DENND2A: variants seen among roughly 807,000 people sequenced by gnomAD.
DENND2A encodes the protein DENN domain containing 2A, also known as DENN domain-containing protein 2A.
In DENND2A, 53 loss-of-function variants were observed where a neutral mutation model predicts 105.3. That is an observed-to-expected ratio of 0.50 (90% CI 0.40 to 0.63). The LOEUF is 0.63. DENND2A is among the 30% of genes least tolerant of loss of function. The pLI is 0.00. For missense variants in DENND2A, 1,138 were observed against 1,279.6 expected (o/e 0.89, Z 1.69); for synonymous variants, 522 against 508.4 (o/e 1.03, Z -0.36).
chr7:140,580,160 A>G (rs1798479600), intron 5 of DENND2A, among the ~76,000 whole-genome samples: 1 of 152,180 alleles, frequency 6.6e-6, no homozygotes, highest in Admixed American at 6.5e-5. Flanking sequence ...AGGCATAAAG[A>G]AAAGTAAAAT....
At chr7:140,562,695 A>AAC (rs1554468998) in intron 9 of DENND2A, among the ~76,000 whole-genome samples, 1 of 151,858 alleles carries the variant, frequency 6.6e-6, no homozygotes, top group Non-Finnish European at 1.5e-5. Context: ...CAACAAAAAA[A>AAC]CCCGCTTCCA....
intron 9 of DENND2A, among the ~76,000 whole-genome samples, chr7:140,563,679 A>T (rs1797723630): frequency 2.5e-5 from 1 of 40,750 alleles, no homozygotes; most frequent in Non-Finnish European, 7.8e-5. Context: ...ATTGCATTAA[A>T]AAAAAAAAAA....
At chr7:140,567,633 G>A (rs1797920212) in intron 8 of DENND2A, among the ~76,000 whole-genome samples, 2 of 152,136 alleles carry the variant, frequency 1.3e-5, no homozygotes, top group South Asian at 4.1e-4. Context: ...GCCTTCATCT[G>A]TCTGATGAGA....
At chr7:140,604,663 G>A (rs1474582573) in intron 2 of DENND2A, among the ~76,000 whole-genome samples, 2 of 152,154 alleles carry the variant, frequency 1.3e-5, no homozygotes, top group Non-Finnish European at 2.9e-5. Context: ...GATGACTGAT[G>A]GTCTACAACG....
chr7:140,524,324 T>C (rs1261624827), intron 16 of DENND2A, among the ~76,000 whole-genome samples: 1 of 152,202 alleles, frequency 6.6e-6, no homozygotes, highest in Non-Finnish European at 1.5e-5. Context: ...TAGGCCTCTC[T>C]AGCAAATGAT....
rs144371506 is a variant in DENND2A, at chr7:140,555,778, A to G, written c.1960-65T>C. On this transcript the variant is annotated intron_variant, in intron 11 of 19. Transcript: ENST00000496613. ...AACCTCAGGGAAGAAAGGAACCCACATGTTTTTTGCGAGACTATCATGTGC... is the reference window on the plus strand; with the variant it reads ...AACCTCAGGGAAGAAAGGAACCCACGTGTTTTTTGCGAGACTATCATGTGC... 2.1e-4 allele frequency: 307 copies of G among 1,438,130 alleles called. No homozygotes were observed. The African/African-American group carries it at 3.3e-3, about 16-fold the overall frequency. 89.1% of individuals were successfully genotyped at this position (1,438,130 alleles called of 1,614,324 possible).
At chr7:140,545,991 C>T (rs1391711345) in intron 13 of DENND2A, among the ~76,000 whole-genome samples, 1 of 152,186 alleles carries the variant, frequency 6.6e-6, no homozygotes, top group Non-Finnish European at 1.5e-5. Context: ...TCTCCTCCCT[C>T]CTTTGTTTCC....
Position 140,551,842 on chromosome 7 carries a change from T to C in DENND2A, c.2037+3794A>G, listed in dbSNP as rs141355266. On this transcript the variant is annotated intron_variant, in intron 12 of 19. Transcript: ENST00000496613. ...GTTCCTGGGATCAGTTAGCTAAAGC[T>C]CTGGTTCTGGTTCTGTCCTGAATAA... Among the ~76,000 whole-genome samples, 38 of 151,794 alleles carry C rather than the reference T, an allele frequency of 2.5e-4. 1 individual carries two copies. Among genetic ancestry groups the C allele is most frequent in the African/African-American group, 8.2e-4 (34 of 41,478 alleles).
In DENND2A at chr7:140,527,385, G is replaced by A. The variant is rs893181775; in HGVS notation, c.2438C>T (p.Pro813Leu). ...GAGCAGCCCGATGAGGAAGGGCGTC[G>A]GCGAGCACACGATGTCGACCATGGC... ...PPAMVDIVCSPTPFLIGLLSS... is the reference protein window; with the variant it reads ...PPAMVDIVCSLTPFLIGLLSS... Residue 813 changes from proline to leucine, a missense_variant, in exon 15 of 20, where the codon CCG becomes CTG. Physicochemically the swap from Pro to Leu is moderately conservative, Grantham distance 98 (BLOSUM62 -3). Around this residue, in one of 2 missense-constraint regions of DENND2A, gnomAD observed 627 missense variants for 779.8 expected, o/e 0.80. Coordinates refer to ENST00000496613, the MANE Select transcript of DENND2A (RefSeq NM_015689.5). The surrounding 1 kb of genome is among the most constrained non-coding windows in gnomAD (Gnocchi z 4.9). The A allele has an allele frequency of 1.9e-6, 3 of 1,607,862 alleles. No individual in the cohort carries two copies. Among genetic ancestry groups the A allele is most frequent in the South Asian group, 1.1e-5 (1 of 89,816 alleles).
chr7:140,604,717 A>G (rs1280130558), intron 2 of DENND2A, among the ~76,000 whole-genome samples: 1 of 152,176 alleles, frequency 6.6e-6, no homozygotes, highest in Non-Finnish European at 1.5e-5. Flanking sequence ...ATGGCCTAGG[A>G]GCTAAATACA....
chr7:140,586,445 G>A (rs113973120), intron 4 of DENND2A, among the ~76,000 whole-genome samples: 11,893 of 151,590 alleles, frequency 0.078, 611 homozygotes, highest in Non-Finnish European at 0.11. Flanking sequence ...TATAATCCCA[G>A]CTACTTGGGA....
intron 3 of DENND2A, among the ~76,000 whole-genome samples, chr7:140,591,895 T>TC (rs1563164146): frequency 3.4e-5 from 4 of 117,406 alleles, no homozygotes; most frequent in African/African-American, 1.0e-4. Context: ...TCTTTCTTTC[T>TC]TTTTCTTCCT....
intron 1 of DENND2A, among the ~76,000 whole-genome samples, chr7:140,609,468 G>T (rs1183344016): frequency 6.6e-6 from 1 of 152,086 alleles, no homozygotes; most frequent in Non-Finnish European, 1.5e-5. Flanking sequence ...AGCCGAGATC[G>T]CCCCACTGTA....
chr7:140,542,372 G>A (rs768270463), intron 14 of DENND2A, among the ~76,000 whole-genome samples: 1 of 152,094 alleles, frequency 6.6e-6, no homozygotes, highest in Non-Finnish European at 1.5e-5. Context: ...CACTGAGTTT[G>A]TGTGTGTGAT....
Position 140,523,412 on chromosome 7 carries a change from C to T in DENND2A, c.2560G>A (p.Asp854Asn). The T allele has an allele frequency of 1.9e-6, 3 of 1,614,124 alleles. No individual in the cohort carries two copies. The highest frequency in any genetic ancestry group is 1.7e-6 in the Non-Finnish European group (2 of 1,180,024). The change falls in exon 17 of 20, where the codon GAC becomes AAC. Residue 854 changes from aspartate (D) to asparagine (N), a missense_variant. This residue lies in a region of DENND2A where 627 missense variants were observed against 779.8 expected (regional missense o/e 0.80). Transcript: ENST00000496613. The surrounding 1 kb of genome is among the most constrained non-coding windows in gnomAD (Gnocchi z 4.5). ...TGAAGCTTCCGGGGCAGGATGGAGT[C>T]CTCATCGTCCATCTGGAAAGCAGAG... ...SRFLRQMDDE[D>N]SILPRKLQVA...
chr7:140,585,563 T>A, intron 5 of DENND2A, 26 bp downstream of exon 5: 1 of 1,613,620 alleles, frequency 6.2e-7, no homozygotes, highest in Non-Finnish European at 8.5e-7. Flanking sequence ...CCCCCTCTCC[T>A]GCCACCATTC....
chr7:140,519,904 T>C (rs914978603), intron 18 of DENND2A, among the ~76,000 whole-genome samples, 186 bp from the exon 19 acceptor site: 12 of 152,202 alleles, frequency 7.9e-5, no homozygotes, highest in African/African-American at 2.9e-4. Context: ...ACCTGTGCAG[T>C]AACTCCCTTT....
At chr7:140,583,367 G>A (rs1798623791) in intron 5 of DENND2A, among the ~76,000 whole-genome samples, 1 of 149,992 alleles carries the variant, frequency 6.7e-6, no homozygotes, top group Non-Finnish European at 1.5e-5. Flanking sequence ...TTAACTGAGT[G>A]TTACAGATAA....
intron 5 of DENND2A, among the ~76,000 whole-genome samples, chr7:140,581,703 G>A (rs9942679): frequency 0.045 from 6,868 of 152,264 alleles, 499 homozygotes; most frequent in African/African-American, 0.15. Flanking sequence ...ACCGTGTCCC[G>A]CTGAGGGCTT....
Sources: gnomAD v4.1 joint callset for allele counts (sites outside exome capture counted in the v4.1 genomes callset) on GRCh38, gnomAD v4.1.1 for gene constraint, gnomAD v4.1.1 regional missense constraint, Gnocchi (gnomAD v3.1) non-coding constraint, MANE v1.5 for transcripts, NCBI Gene and HGNC (gene_info 2026-07-23, HGNC 2026-07-21) for gene names.